The following AFG1L variants were observed in gnomAD, a reference collection of about 807,000 sequenced individuals.
AFG1L encodes the protein AFG1 like ATPase.
A neutral mutation model predicts 62.2 loss-of-function variants in AFG1L; 53 were observed. The observed-to-expected ratio is 0.85, with a 90% CI of 0.68 to 1.07. The LOEUF (loss-of-function observed/expected upper bound fraction) is 1.07. Ranked by LOEUF, AFG1L falls within the 50% of genes least tolerant of loss-of-function variation. AFG1L has a pLI of 0.00. For missense variants in AFG1L, 555 were observed against 590.5 expected, an observed-to-expected ratio of 0.94 and a Z score of 0.62; for synonymous variants, 228 against 210.3, an observed-to-expected ratio of 1.08 and a Z score of -0.73.
At chr6:108,500,862 A>T (rs949404784) in intron 10 of AFG1L, among the ~76,000 whole-genome samples, 5 of 152,102 alleles carry the variant, frequency 3.3e-5, no homozygotes, top group African/African-American at 1.2e-4. Flanking sequence ...CTTGTGTGAG[A>T]TGATAGCTCA....
chr6:108,492,959 G>C (rs7748807), intron 10 of AFG1L, among the ~76,000 whole-genome samples: 5,268 of 150,792 alleles, frequency 0.035, 131 homozygotes, highest in African/African-American at 0.065. Context: ...CACACACACA[G>C]AGAGAGACAT....
chr6:108,442,223 A>C (rs1771585133), intron 7 of AFG1L, among the ~76,000 whole-genome samples: 1 of 151,772 alleles, frequency 6.6e-6, no homozygotes, highest in South Asian at 2.1e-4. Flanking sequence ...GAGCTCTCGC[A>C]ATTATAGCAG....
At chr6:108,345,201 G>T (rs1778819457) in intron 2 of AFG1L, among the ~76,000 whole-genome samples, 2 of 152,084 alleles carry the variant, frequency 1.3e-5, no homozygotes, top group Non-Finnish European at 1.5e-5. Flanking sequence ...GCCCAGGCTA[G>T]TCTCAAACTC....
In AFG1L at chr6:108,418,993, C is replaced by A. The variant is rs142505330; in HGVS notation, c.807+16939C>A. On this transcript the variant is annotated intron_variant, in intron 7 of 12. Coordinates refer to ENST00000368977, the MANE Select transcript of AFG1L (RefSeq NM_145315.5). ...AGGTCCAGCAATTCATGATATTTTA[C>A]ACAAATTTTTCCATTTGGGTAAAAA... 5.9e-5 allele frequency among the ~76,000 whole-genome samples: 9 copies of A among 152,292 alleles called. No individual in the cohort carries two copies. In the East Asian group the frequency reaches 1.7e-3, roughly 29 times the overall value.
chr6:108,476,577 CT>C (rs1773113871), intron 8 of AFG1L, among the ~76,000 whole-genome samples: 1 of 152,186 alleles, frequency 6.6e-6, no homozygotes. Flanking sequence ...AAGCTTTCTT[CT>C]CATTGTGTAC....
At chr6:108,443,884 A>C (rs1041984492) in intron 7 of AFG1L, among the ~76,000 whole-genome samples, 5 of 152,118 alleles carry the variant, frequency 3.3e-5, no homozygotes, top group Non-Finnish European at 7.4e-5. Context: ...AAAAAAAAAA[A>C]ATTGCATTTT....
intron 11 of AFG1L, among the ~76,000 whole-genome samples, chr6:108,514,258 G>C (rs1004855795): frequency 6.6e-6 from 1 of 152,116 alleles, no homozygotes; most frequent in Non-Finnish European, 1.5e-5. Flanking sequence ...ACAAAGATCG[G>C]GTTATCCACA....
At chr6:108,383,261 A>AAATTG (rs1358629942) in intron 6 of AFG1L, among the ~76,000 whole-genome samples, 1 of 152,162 alleles carries the variant, frequency 6.6e-6, no homozygotes, top group African/African-American at 2.4e-5. Context: ...AAATTAAATT[A>AAATTG]AAAAGGTGAA....
intron 1 of AFG1L, among the ~76,000 whole-genome samples, chr6:108,312,334 T>A (rs1270272443): frequency 1.3e-5 from 2 of 151,978 alleles, no homozygotes; most frequent in African/African-American, 4.8e-5. Context: ...AGGCTAGAAG[T>A]TCAAGACCAG....
At chr6:108,425,889 T>C (rs1582568130) in intron 7 of AFG1L, among the ~76,000 whole-genome samples, 1 of 152,190 alleles carries the variant, frequency 6.6e-6, no homozygotes, top group Non-Finnish European at 1.5e-5. Flanking sequence ...TAAAATTTAC[T>C]CTTCAGATCT....
At chr6:108,341,115 A>C (rs1778664681) in intron 2 of AFG1L, among the ~76,000 whole-genome samples, 1 of 152,170 alleles carries the variant, frequency 6.6e-6, no homozygotes, top group African/African-American at 2.4e-5. Flanking sequence ...GGTGAAGTTC[A>C]TGGAAGGGTA....
intron 11 of AFG1L, among the ~76,000 whole-genome samples, chr6:108,516,884 A>G (rs1774917750): frequency 6.6e-6 from 1 of 152,204 alleles, no homozygotes; most frequent in South Asian, 2.1e-4. Flanking sequence ...CCAAATCATG[A>G]GTGAACTCCC....
At chr6:108,318,597 A>G (rs1441387654) in intron 1 of AFG1L, among the ~76,000 whole-genome samples, 1 of 152,218 alleles carries the variant, frequency 6.6e-6, no homozygotes, top group African/African-American at 2.4e-5. Context: ...GGTTATTCAG[A>G]TGTAGGACAC....
intron 8 of AFG1L, among the ~76,000 whole-genome samples, chr6:108,463,508 T>C (rs1447509513): frequency 6.6e-6 from 1 of 151,964 alleles, no homozygotes; most frequent in African/African-American, 2.4e-5. Context: ...ATTCTAGATG[T>C]CATGGTACTG....
chr6:108,448,588 T>A (rs960398277), intron 8 of AFG1L, among the ~76,000 whole-genome samples: 2 of 152,132 alleles, frequency 1.3e-5, no homozygotes, highest in African/African-American at 4.8e-5. Flanking sequence ...AATTATAAAA[T>A]TTGTTTCATA....
At chr6:108,296,971 T>A (rs1013254173) in intron 1 of AFG1L, among the ~76,000 whole-genome samples, 9 of 152,208 alleles carry the variant, frequency 5.9e-5, no homozygotes, top group Non-Finnish European at 1.3e-4. Flanking sequence ...GTGCTATTAA[T>A]CTATACTCAC....
chr6:108,364,888 T>G (rs1242623401), intron 5 of AFG1L, among the ~76,000 whole-genome samples: 2 of 141,122 alleles, frequency 1.4e-5, no homozygotes, highest in Non-Finnish European at 3.1e-5. Flanking sequence ...AAAAAAAAAG[T>G]ACATCTCTAT....
intron 6 of AFG1L, among the ~76,000 whole-genome samples, chr6:108,380,837 C>T (rs1198516016): frequency 1.3e-5 from 2 of 152,176 alleles, no homozygotes; most frequent in Non-Finnish European, 2.9e-5. Flanking sequence ...CTTGGATCCC[C>T]AGTGGAAAGG....
chr6:108,512,127 A>G (rs1298448371), intron 11 of AFG1L, among the ~76,000 whole-genome samples: 1 of 152,196 alleles, frequency 6.6e-6, no homozygotes, highest in African/African-American at 2.4e-5. Context: ...GCAAATGAGT[A>G]CCAGGCATGG....
Sources: gnomAD v4.1 joint callset for allele counts (sites outside exome capture counted in the v4.1 genomes callset) on GRCh38, gnomAD v4.1.1 for gene constraint, MANE v1.5 for transcripts, NCBI Gene and HGNC (gene_info 2026-07-23, HGNC 2026-07-21) for gene names.